The following MEGF11 variants were observed in gnomAD, a reference collection of about 807,000 sequenced individuals.
MEGF11 encodes the protein multiple EGF like domains 11.
In MEGF11, 126 loss-of-function variants were observed where a neutral mutation model predicts 146.6. That is an observed-to-expected ratio of 0.86 (90% CI 0.74 to 1.00). MEGF11 has a LOEUF of 1.00. Among genes scored for constraint, MEGF11 ranks in the 50% least tolerant of loss-of-function variants. MEGF11 has a pLI of 0.00. For missense variants in MEGF11, 1,509 were observed against 1,521.2 expected (o/e 0.99, Z 0.13); for synonymous variants, 532 against 583.4 (o/e 0.91, Z 1.27).
intron 10 of MEGF11, among the ~76,000 whole-genome samples, chr15:65,949,924 G>A (rs1048016981): frequency 6.6e-6 from 1 of 152,212 alleles, no homozygotes; most frequent in Non-Finnish European, 1.5e-5. Flanking sequence ...TCCCCCGTGT[G>A]AGCAGGAAGT....
Position 65,898,856 on chromosome 15 carries a change from T to C in MEGF11, c.3134A>G (p.Asp1045Gly), listed in dbSNP as rs753507928. ...AAGCTTGCAGGTGAGGATGGGTGGG[T>C]CCTTAATTGTGGCGTAAGGGTTTTC... Reference protein sequence around the residue: ...SSENPYATIKDPPILTCKLPE... With the variant: ...SSENPYATIKGPPILTCKLPE... Residue 1045 changes from aspartate to glycine, a missense_variant, in exon 25 of 26, where the codon GAC becomes GGC. Asp to Gly is a moderately conservative substitution (Grantham distance 94). Coordinates refer to ENST00000395614, the MANE Select transcript of MEGF11 (RefSeq NM_001385028.1). 2 of 1,613,980 alleles carry C rather than the reference T, an allele frequency of 1.2e-6. No individual in the cohort carries two copies. Among genetic ancestry groups the C allele is most frequent in the Non-Finnish European group, 1.7e-6 (2 of 1,179,850 alleles).
chr15:65,988,697 C>T (rs2081945590), intron 5 of MEGF11, among the ~76,000 whole-genome samples: 1 of 152,268 alleles, frequency 6.6e-6, no homozygotes, highest in Non-Finnish European at 1.5e-5. Flanking sequence ...CATTACTTTT[C>T]TGCCTTCACT....
chr15:66,201,320 C>T (rs2091151387), intron 1 of MEGF11, among the ~76,000 whole-genome samples: 1 of 152,116 alleles, frequency 6.6e-6, no homozygotes, highest in Non-Finnish European at 1.5e-5. Flanking sequence ...CCTCCTCCTG[C>T]AGAATGTGGG....
At chr15:66,212,716 C>T (rs2140134463) in intron 1 of MEGF11, among the ~76,000 whole-genome samples, 1 of 152,356 alleles carries the variant, frequency 6.6e-6, no homozygotes. Context: ...GGGCCCATCC[C>T]CCAGAGGCTT....
At chr15:66,049,018 G>T (rs142747353) in intron 5 of MEGF11, among the ~76,000 whole-genome samples, 245 of 152,308 alleles carry the variant, frequency 1.6e-3, no homozygotes, top group African/African-American at 5.5e-3. Context: ...ATAATGAGAG[G>T]AAGGGCTGCA....
At position 65,930,815 on chromosome 15, in the gene MEGF11, C is replaced by T; in HGVS notation, c.1408+8G>A. The T allele has an allele frequency of 6.2e-7, 1 of 1,602,428 alleles. No individual in the cohort carries two copies. The highest frequency in any genetic ancestry group is 8.5e-7 in the Non-Finnish European group (1 of 1,173,300). ...TCAGGGATGGGCTTGGGAGAGAGGG[C>T]ACATTACCTTCCTTGCAGGTACAGG... On this transcript the variant is annotated splice_region_variant and intron_variant, in intron 11 of 25. Coordinates refer to ENST00000395614, the MANE Select transcript of MEGF11 (RefSeq NM_001385028.1).
chr15:66,161,361 G>A (rs1462485214), intron 1 of MEGF11, among the ~76,000 whole-genome samples: 1 of 152,194 alleles, frequency 6.6e-6, no homozygotes, highest in Non-Finnish European at 1.5e-5. Context: ...GCAGAAGGAT[G>A]TGTTCACTTG....
At chr15:65,996,994 C>A (rs1387338261) in intron 5 of MEGF11, among the ~76,000 whole-genome samples, 1 of 152,206 alleles carries the variant, frequency 6.6e-6, no homozygotes, top group African/African-American at 2.4e-5. Context: ...CCCCACCTAT[C>A]GGTGGGAAGC....
chr15:66,035,090 G>A (rs963651925), intron 5 of MEGF11, among the ~76,000 whole-genome samples: 2 of 152,140 alleles, frequency 1.3e-5, no homozygotes, highest in African/African-American at 4.8e-5. Context: ...GTGGCATTCT[G>A]TTATAGCAAC....
chr15:66,088,291 A>G (rs2086192053), intron 5 of MEGF11, among the ~76,000 whole-genome samples: 1 of 152,238 alleles, frequency 6.6e-6, no homozygotes, highest in African/African-American at 2.4e-5. Flanking sequence ...GTTCCACAAG[A>G]TAAAGAAGGA....
Position 65,898,052 on chromosome 15 carries a change from G to C in MEGF11, c.3305C>G (p.Ser1102Cys). The change falls in exon 26 of 26, where the codon TCC (serine) becomes TGC (cysteine). Residue 1102 changes from serine to cysteine, a missense_variant. Transcript: ENST00000395614. ...GTCGTATGCATTCTGGATATAGCTG[G>C]AGTTATGACCGCAACCTTCTTGGAC... ...SVVQEGCGHN[S>C]SYIQNAYDLP... is the part of the protein sequence containing the mutation. 1.9e-6 allele frequency: 3 copies of C among 1,613,960 alleles called. No homozygotes were observed. Among genetic ancestry groups the C allele is most frequent in the Non-Finnish European group, 2.5e-6 (3 of 1,179,858 alleles).
chr15:66,223,816 C>A (rs574893096), intron 1 of MEGF11, among the ~76,000 whole-genome samples: 3 of 152,328 alleles, frequency 2.0e-5, no homozygotes, highest in African/African-American at 4.8e-5. Flanking sequence ...ACAAATCTTT[C>A]TCTTGTTTTA....
chr15:65,992,249 A>C (rs1306924801), intron 5 of MEGF11, among the ~76,000 whole-genome samples: 1 of 152,096 alleles, frequency 6.6e-6, no homozygotes, highest in African/African-American at 2.4e-5. Context: ...ACATTTCAGG[A>C]GTGAGTGGGG....
At chr15:66,063,181 A>G (rs1193630149) in intron 5 of MEGF11, among the ~76,000 whole-genome samples, 6 of 152,210 alleles carry the variant, frequency 3.9e-5, no homozygotes, top group Non-Finnish European at 7.3e-5. Flanking sequence ...CACCTAGACA[A>G]ATTGATACTT....
chr15:66,022,777 G>A (rs2083195082), intron 5 of MEGF11, among the ~76,000 whole-genome samples: 1 of 151,778 alleles, frequency 6.6e-6, no homozygotes, highest in African/African-American at 2.4e-5. Flanking sequence ...GGAGGGTGGG[G>A]GTCAAGCTTG....
At chr15:66,117,112 A>T (rs2087766915) in intron 4 of MEGF11, among the ~76,000 whole-genome samples, 1 of 152,186 alleles carries the variant, frequency 6.6e-6, no homozygotes, top group Non-Finnish European at 1.5e-5. Context: ...GCGTATGTAA[A>T]GTGATCAGAA....
intron 1 of MEGF11, among the ~76,000 whole-genome samples, chr15:66,131,728 CTA>C (rs1451624836): frequency 2.0e-5 from 3 of 152,160 alleles, no homozygotes; most frequent in Non-Finnish European, 4.4e-5. Flanking sequence ...ATGCTGCTCG[CTA>C]TGTCCTCATC....
At chr15:65,967,168 A>T (rs1363802164) in intron 8 of MEGF11, 2 of 152,226 alleles carry the variant, frequency 1.3e-5, no homozygotes, top group African/African-American at 4.8e-5. Context: ...ATGCGTGTAA[A>T]CATTTAGAAA....
chr15:66,141,130 G>T (rs554583283), intron 1 of MEGF11, among the ~76,000 whole-genome samples: 1 of 152,186 alleles, frequency 6.6e-6, no homozygotes, highest in African/African-American at 2.4e-5. Flanking sequence ...TCCTCTTGCA[G>T]GTGGCGAAAT....
Sources: gnomAD v4.1 joint callset for allele counts (sites outside exome capture counted in the v4.1 genomes callset) on GRCh38, gnomAD v4.1.1 for gene constraint, MANE v1.5 for transcripts, NCBI Gene and HGNC (gene_info 2026-07-23, HGNC 2026-07-21) for gene names.